Variants in MEF2C observed in about 807,000 individuals in gnomAD.
The protein encoded by MEF2C is myocyte enhancer factor 2C.
Under a neutral mutation model 50.5 loss-of-function variants are expected in MEF2C, and 6 were observed. The ratio of observed to expected loss-of-function variants is 0.12; its 90% confidence interval spans 0.07 to 0.23. MEF2C has a LOEUF of 0.23. Among genes scored for constraint, MEF2C ranks in the 10% least tolerant of loss-of-function variants. The probability of loss-of-function intolerance (pLI) is 1.00; values close to 1 mark genes in which losing one functional copy is unlikely to be tolerated. For synonymous variants in MEF2C, 183 were observed against 228.0 expected (o/e 0.80, Z 1.78); for missense variants, 276 against 605.0 (o/e 0.46, Z 5.70).
chr5:88,734,592 T>TAGAAA, intron 6 of MEF2C: 1 of 961,538 alleles, frequency 1.0e-6, no homozygotes, highest in Non-Finnish European at 1.2e-6. Flanking sequence ...TTTTTTTTTT[T>TAGAAA]TTTTTTAGCA....
chr5:88,774,163 A>G (rs1309670373), intron 3 of MEF2C, among the ~76,000 whole-genome samples: 6 of 151,982 alleles, frequency 3.9e-5, no homozygotes, highest in Non-Finnish European at 8.8e-5. Context: ...GTTGACCTGG[A>G]GGTAGAAGTT....
At chr5:88,808,552 A>G (rs899313971) in intron 2 of MEF2C, among the ~76,000 whole-genome samples, 1 of 152,192 alleles carries the variant, frequency 6.6e-6, no homozygotes, top group African/African-American at 2.4e-5. Flanking sequence ...CAGTGCATAT[A>G]GCTTCTTCTG....
At chr5:88,757,293 G>C (rs892576019) in intron 4 of MEF2C, among the ~76,000 whole-genome samples, 2 of 152,088 alleles carry the variant, frequency 1.3e-5, no homozygotes, top group Admixed American at 1.3e-4. Flanking sequence ...AATATTTTTA[G>C]TTAATGGGCC....
At chr5:88,806,690 T>G (rs1387789145) in intron 2 of MEF2C, among the ~76,000 whole-genome samples, 1 of 152,104 alleles carries the variant, frequency 6.6e-6, no homozygotes, top group Non-Finnish European at 1.5e-5. Context: ...AATCACATTT[T>G]ATATTTTCAA....
chr5:88,895,097 T>G (rs1174706030), intron 1 of MEF2C, among the ~76,000 whole-genome samples: 3 of 152,216 alleles, frequency 2.0e-5, no homozygotes, highest in Non-Finnish European at 4.4e-5. Context: ...TATATACCAT[T>G]TCACTTTCAA....
intron 10 of MEF2C, 126 bp downstream of exon 10, chr5:88,728,367 C>A: frequency 1.3e-6 from 1 of 758,038 alleles, no homozygotes; most frequent in Non-Finnish European, 1.8e-6. Flanking sequence ...CTGAAAATTA[C>A]ACTTGGATTT....
intron 2 of MEF2C, among the ~76,000 whole-genome samples, chr5:88,805,302 G>GTAT (rs1473697630): frequency 1.3e-5 from 2 of 152,166 alleles, no homozygotes; most frequent in African/African-American, 4.8e-5. Context: ...AGACGATGTT[G>GTAT]TATTCTGTTT....
At chr5:88,784,138 G>A (rs1411804620) in intron 3 of MEF2C, among the ~76,000 whole-genome samples, 1 of 152,116 alleles carries the variant, frequency 6.6e-6, no homozygotes, top group African/African-American at 2.4e-5. Flanking sequence ...TTTCTTAACT[G>A]TCATTATAAG....
In MEF2C at chr5:88,717,335, G is replaced by A. The variant is rs888621048; in HGVS notation, c.*5269C>T. ...GGATGAGGAAGTGTCCATGCTCTGA[G>A]CCTCTGGTCTGCTCTGCCCCAGGAT... is the stretch of plus-strand genomic sequence containing the variant. On this transcript the variant is annotated 3_prime_UTR_variant, in exon 11 of 11. Transcript: ENST00000504921. 1 of 152,228 alleles carries A rather than the reference G, an allele frequency of 6.6e-6. No homozygotes were observed. Among genetic ancestry groups the A allele is most frequent in the African/African-American group, 2.4e-5 (1 of 41,442 alleles). 9.4% of individuals were successfully genotyped at this position (152,228 alleles called of 1,614,324 possible). A position where few individuals can be genotyped will look rare whatever the true frequency, so the allele number is the denominator to read the frequency against.
At chr5:88,790,708 C>T (rs1035979537) in intron 3 of MEF2C, among the ~76,000 whole-genome samples, 4 of 152,004 alleles carry the variant, frequency 2.6e-5, no homozygotes, top group African/African-American at 4.8e-5. Context: ...TAGAACACAT[C>T]GGATCTCACC....
intron 3 of MEF2C, among the ~76,000 whole-genome samples, chr5:88,768,086 T>C (rs943634510): frequency 5.3e-5 from 8 of 152,242 alleles, no homozygotes; most frequent in Non-Finnish European, 8.8e-5. Context: ...TTAGACTTTC[T>C]GATCGCTCAG....
intron 1 of MEF2C, among the ~76,000 whole-genome samples, chr5:88,832,345 CTA>C (rs1029568088): frequency 3.3e-5 from 5 of 151,898 alleles, no homozygotes; most frequent in Non-Finnish European, 7.4e-5. Context: ...GCTTAATATT[CTA>C]TTTTTTTTTT....
chr5:88,751,024 A>G (rs1350292193), intron 5 of MEF2C: 1 of 880,988 alleles, frequency 1.1e-6, no homozygotes, highest in East Asian at 1.2e-4. Flanking sequence ...CTGGAAACAT[A>G]AAGGAATAAT....
At chr5:88,770,483 C>T (rs528378042) in intron 3 of MEF2C, among the ~76,000 whole-genome samples, 1 of 152,290 alleles carries the variant, frequency 6.6e-6, no homozygotes, top group Admixed American at 6.5e-5. Flanking sequence ...CACTTCTGAG[C>T]TATCTTTTGA....
rs951145565 is a variant in MEF2C, at chr5:88,741,174, T to C, written c.637+7896A>G. ...ATCTCTGTGAAGCCTACTGGTGTGC[T>C]CCCTTCACCACACATTTCATAAATA... On this transcript the variant is annotated intron_variant, in intron 6 of 10. Transcript: ENST00000504921. 3 of 985,236 alleles carry C rather than the reference T, an allele frequency of 3.0e-6. No individual in the cohort carries two copies. The Admixed American group carries it at 1.8e-4, about 61-fold the overall frequency. The allele number at this position is 985,236 out of a possible 1,614,324, so 61.0% of individuals were successfully genotyped here. A position where few individuals can be genotyped will look rare whatever the true frequency, so the allele number is the denominator to read the frequency against.
chr5:88,728,521 T>C lies in MEF2C; in HGVS notation c.1072A>G (p.Met358Val). The C allele has an allele frequency of 6.6e-7, 1 of 1,525,550 alleles. No individual in the cohort carries two copies. The highest frequency in any genetic ancestry group is 8.8e-7 in the Non-Finnish European group (1 of 1,132,724). The allele number at this position is 1,525,550 out of a possible 1,614,324, so 94.5% of individuals were successfully genotyped here. A position where few individuals can be genotyped will look rare whatever the true frequency, so the allele number is the denominator to read the frequency against. ...TGWQQQHLHN[M>V]PPSALSQLGA... is the part of the protein sequence containing the mutation. The stretch of plus-strand genomic sequence containing the variant: ...AACTGACTGAGGGCAGATGGTGGCA[T>C]GTTATGTAGGTGTTGCTGTTGCCAG... The change falls in exon 10 of 11, where the codon ATG becomes GTG. Residue 358 changes from methionine to valine, a missense_variant. Coordinates refer to ENST00000504921, the MANE Select transcript of MEF2C (RefSeq NM_002397.5).
Position 88,737,251 on chromosome 5 carries a change from G to A in MEF2C, c.638-5350C>T, listed in dbSNP as rs570726853. 2.7e-4 allele frequency: 265 copies of A among 985,268 alleles called. 1 individual carries two copies. The Middle Eastern group carries it at 9.4e-3, about 35-fold the overall frequency. 61.0% of individuals were successfully genotyped at this position (985,268 alleles called of 1,614,324 possible). ...TTTTAGATAATGATTGCAAATTGAT[G>A]ACCAAGTACACTATTGAGACAAACT... On this transcript the variant is annotated intron_variant, in intron 6 of 10. Transcript: ENST00000504921.
intron 1 of MEF2C, chr5:88,889,413 G>A: frequency 6.8e-6 from 1 of 148,148 alleles, no homozygotes; most frequent in Non-Finnish European, 1.5e-5. Flanking sequence ...TCTCCCGGCC[G>A]ACGGAGCTGA....
At chr5:88,888,413 CTATATTTGGG>C in intron 1 of MEF2C, among the ~76,000 whole-genome samples, 1 of 152,296 alleles carries the variant, frequency 6.6e-6, no homozygotes, top group African/African-American at 2.4e-5. Context: ...TATAAAGCCT[CTATATTTGGG>C]TTGACATCTC....
Sources: allele counts gnomAD v4.1 joint callset (sites outside exome capture counted in the v4.1 genomes callset), GRCh38; gene constraint gnomAD v4.1.1; transcripts MANE v1.5; gene names NCBI Gene and HGNC (gene_info 2026-07-23, HGNC 2026-07-21).